RD3: variants seen among roughly 807,000 people sequenced by gnomAD.
RD3 encodes the protein RD3 regulator of GUCY2D.
In RD3, 11 loss-of-function variants were observed where a neutral mutation model predicts 16.9. The observed-to-expected ratio is 0.65, with a 90% confidence interval of 0.41 to 1.08. The LOEUF is 1.08. Among genes scored for constraint, RD3 ranks in the 50% least tolerant of loss-of-function variants. RD3 has a pLI of 0.00. For missense variants in RD3, 274 were observed against 267.4 expected (o/e 1.02, Z -0.17); for synonymous variants, 116 against 114.8 (o/e 1.01, Z -0.07).
Position 211,481,418 on chromosome 1 carries a change from C to A in RD3, c.-3G>T. 5 of 1,612,272 alleles carry A rather than the reference C, an allele frequency of 3.1e-6. No individual in the cohort carries two copies. Among genetic ancestry groups the A allele is most frequent in the Non-Finnish European group, 4.2e-6 (5 of 1,179,986 alleles). On this transcript the variant is annotated 5_prime_UTR_variant, in exon 2 of 3. Transcript: ENST00000680073. ...CGAAGCCATGAGATGAGAGACATAG[C>A]CCCTGGCCCTGCTGAGACAGGACAG...
intron 1 of RD3, among the ~76,000 whole-genome samples, chr1:211,487,995 G>A (rs1705410440): frequency 6.6e-6 from 1 of 152,238 alleles, no homozygotes; most frequent in African/African-American, 2.4e-5. Context: ...GGCTGTGTAA[G>A]CAGTGCAGGG....
intron 2 of RD3, among the ~76,000 whole-genome samples, chr1:211,479,531 C>T (rs914074561): frequency 3.3e-5 from 5 of 152,240 alleles, no homozygotes; most frequent in Non-Finnish European, 4.4e-5. Context: ...CCACTTCTGG[C>T]CTCAGTTGGC....
Position 211,477,141 on chromosome 1 carries a change from A to G in RD3, c.*1895T>C, listed in dbSNP as rs1437831247. The G allele has an allele frequency of 6.6e-6, 1 of 152,114 alleles. No individual in the cohort carries two copies. Among genetic ancestry groups the G allele is most frequent in the Non-Finnish European group, 1.5e-5 (1 of 68,036 alleles). 9.4% of individuals were successfully genotyped at this position (152,114 alleles called of 1,614,324 possible). A position where few individuals can be genotyped will look rare whatever the true frequency, so the allele number is the denominator to read the frequency against. ...CCAGACAAAACATATAGGTCACAAAAAAGCACAGCTTGGACCCACATCAAA... is the reference window on the plus strand; with the variant it reads ...CCAGACAAAACATATAGGTCACAAAGAAGCACAGCTTGGACCCACATCAAA... On this transcript the variant is annotated 3_prime_UTR_variant, in exon 3 of 3. Coordinates refer to ENST00000680073, the MANE Select transcript of RD3 (RefSeq NM_001164688.2).
intron 1 of RD3, among the ~76,000 whole-genome samples, chr1:211,490,163 G>A (rs1705457135): frequency 6.6e-6 from 1 of 152,232 alleles, no homozygotes; most frequent in South Asian, 2.1e-4. Context: ...GCACTCAGAG[G>A]GGGACCAGGG....
At chr1:211,487,899 AAG>A (rs1297103694) in intron 1 of RD3, among the ~76,000 whole-genome samples, 2 of 152,292 alleles carry the variant, frequency 1.3e-5, no homozygotes, top group South Asian at 2.1e-4. Context: ...GTGTACACTC[AAG>A]AGAGGGGGGA....
At position 211,477,899 on chromosome 1, in the gene RD3, C is replaced by G; in HGVS notation, c.*1137G>C. 1 of 389,504 alleles carries G rather than the reference C, an allele frequency of 2.6e-6. No individual in the cohort carries two copies. Among genetic ancestry groups the G allele is most frequent in the Non-Finnish European group, 4.5e-6 (1 of 221,054 alleles). 24.1% of individuals were successfully genotyped at this position (389,504 alleles called of 1,614,324 possible). A position where few individuals can be genotyped will look rare whatever the true frequency, so the allele number is the denominator to read the frequency against. ...GTGTGTGGGAAGGCCTCCTGGCCTT[C>G]CAGATTTTCCATGGGTGATCCACAC... is the stretch of plus-strand genomic sequence containing the variant. On this transcript the variant is annotated 3_prime_UTR_variant, in exon 3 of 3. Coordinates refer to ENST00000680073, the MANE Select transcript of RD3 (RefSeq NM_001164688.2).
At chr1:211,485,950 G>A (rs1253839985) in intron 1 of RD3, among the ~76,000 whole-genome samples, 1 of 151,880 alleles carries the variant, frequency 6.6e-6, no homozygotes, top group African/African-American at 2.4e-5. Context: ...GACCAGCCTG[G>A]GCAACATGGT....
intron 1 of RD3, among the ~76,000 whole-genome samples, chr1:211,486,561 C>A (rs1322161040): frequency 6.7e-6 from 1 of 149,624 alleles, no homozygotes; most frequent in African/African-American, 2.5e-5. Flanking sequence ...AGAAAATAAT[C>A]CATGGGGCTG....
At chr1:211,483,274 C>T (rs1705312119) in intron 1 of RD3, among the ~76,000 whole-genome samples, 1 of 150,486 alleles carries the variant, frequency 6.6e-6, no homozygotes, top group Non-Finnish European at 1.5e-5. Flanking sequence ...CCATCCTGGC[C>T]AACATGGTGA....
In RD3 at chr1:211,478,034, C is replaced by T. The variant is rs186740910; in HGVS notation, c.*1002G>A. On this transcript the variant is annotated 3_prime_UTR_variant, in exon 3 of 3. Transcript: ENST00000680073. ...ACATTTCACTCAGCTGCCTCAAGGTCAGTCAGGGGTTTGGGCATCACTTTC... is the reference window on the plus strand; with the variant it reads ...ACATTTCACTCAGCTGCCTCAAGGTTAGTCAGGGGTTTGGGCATCACTTTC... The T allele has an allele frequency of 3.0e-5, 12 of 398,618 alleles. No individual in the cohort carries two copies. Among genetic ancestry groups the T allele is most frequent in the African/African-American group, 4.1e-5 (2 of 48,752 alleles). The allele number at this position is 398,618 out of a possible 1,614,324, so 24.7% of individuals were successfully genotyped here.
chr1:211,478,961 G>T lies in RD3; in HGVS notation c.*75C>A. The stretch of plus-strand genomic sequence containing the variant: ...TCAGGCCTAGGTGGGGAGGTTCCAG[G>T]GCCCGGCGCTCCGGTCACCGGCCTA... On this transcript the variant is annotated 3_prime_UTR_variant, in exon 3 of 3. Transcript: ENST00000680073. 1 of 1,407,994 alleles carries T rather than the reference G, an allele frequency of 7.1e-7. No homozygotes were observed. The highest frequency in any genetic ancestry group is 9.4e-7 in the Non-Finnish European group (1 of 1,061,290). The allele number at this position is 1,407,994 out of a possible 1,614,324, so 87.2% of individuals were successfully genotyped here.
At chr1:211,481,729 C>G (rs1404063105) in intron 1 of RD3, among the ~76,000 whole-genome samples, 1 of 152,154 alleles carries the variant, frequency 6.6e-6, no homozygotes, top group Non-Finnish European at 1.5e-5. Context: ...GGATTGTGCC[C>G]AGAGAAAGGG....
Position 211,481,383 on chromosome 1 carries a change from C to T in RD3, c.33G>A (p.Glu11=), listed in dbSNP as rs776478767. Residue 11 remains glutamate, a synonymous_variant, in exon 2 of 3, where the codon GAG becomes GAA. Transcript: ENST00000680073. ...TCCTGGTGGACAGCCGGGATGGGGC[C>T]TCGTTCCACCGAAGCCATGAGATGA... MSLISWLRWN[E]APSRLSTRSP... The T allele has an allele frequency of 1.9e-6, 3 of 1,613,442 alleles. No homozygotes were observed. The highest frequency in any genetic ancestry group is 2.2e-5 in the South Asian group (2 of 91,054).
At chr1:211,487,469 C>T (rs558482872) in intron 1 of RD3, among the ~76,000 whole-genome samples, 1 of 152,292 alleles carries the variant, frequency 6.6e-6, no homozygotes, top group South Asian at 2.1e-4. Context: ...AGGGCCAAGC[C>T]CTTGGCCCCT....
rs190235544 is a variant in RD3, at chr1:211,476,789, T to A, written c.*2247A>T. On this transcript the variant is annotated 3_prime_UTR_variant, in exon 3 of 3. Transcript: ENST00000680073. Reference sequence around the variant, plus strand: ...AAGAAAGAACACCACATTGAAAGCCTAAGGTCTTCCTTCTCTTTGGGGAGA... The same window carrying A: ...AAGAAAGAACACCACATTGAAAGCCAAAGGTCTTCCTTCTCTTTGGGGAGA... 367 of 152,300 alleles carry A rather than the reference T, an allele frequency of 2.4e-3. 1 individual carries two copies. The highest frequency in any genetic ancestry group is 8.4e-3 in the African/African-American group (348 of 41,552). 9.4% of individuals were successfully genotyped at this position (152,300 alleles called of 1,614,324 possible).
At chr1:211,489,776 G>A (rs1705449564) in intron 1 of RD3, among the ~76,000 whole-genome samples, 1 of 152,084 alleles carries the variant, frequency 6.6e-6, no homozygotes, top group Admixed American at 6.5e-5. Context: ...CCCAGCCCTG[G>A]CTTCTGGTCA....
Position 211,484,996 on chromosome 1 carries a change from C to T in RD3, c.-11-3570G>A, listed in dbSNP as rs112341391. 8.1e-3 allele frequency among the ~76,000 whole-genome samples: 1,237 copies of T among 152,326 alleles called. 23 individuals are homozygous for T. The highest frequency in any genetic ancestry group is 0.028 in the African/African-American group (1,169 of 41,580). ...TTCTGATTTCAGTCCCTAAGCCTGA[C>T]CTCGAAGGGAAGTGCCCACAGGGTG... On this transcript the variant is annotated intron_variant, in intron 1 of 2. Coordinates refer to ENST00000680073, the MANE Select transcript of RD3 (RefSeq NM_001164688.2).
At chr1:211,482,844 C>T (rs142661009) in intron 1 of RD3, among the ~76,000 whole-genome samples, 41 of 151,902 alleles carry the variant, frequency 2.7e-4, no homozygotes, top group Non-Finnish European at 5.4e-4. Context: ...CCCTCCAAGC[C>T]GTTCCCCCTT....
chr1:211,478,712 TAGAC>T lies in RD3; in HGVS notation c.*320_*323del, dbSNP rs1190270247. The T allele has an allele frequency of 8.5e-6, 3 of 352,450 alleles. No homozygotes were observed. Among genetic ancestry groups the T allele is most frequent in the African/African-American group, 2.1e-5 (1 of 47,770 alleles). The allele number at this position is 352,450 out of a possible 1,614,324, so 21.8% of individuals were successfully genotyped here. ...AAAAGGCAGGGCAACTGTCCCCTTTTAGACAGAACCAGGAGATGAGGATGGGGCA... is the reference window on the plus strand; with the variant it reads ...AAAAGGCAGGGCAACTGTCCCCTTTTAGAACCAGGAGATGAGGATGGGGCA... On this transcript the variant is annotated 3_prime_UTR_variant, in exon 3 of 3. Transcript: ENST00000680073.
Sources: gnomAD v4.1 joint callset for allele counts (sites outside exome capture counted in the v4.1 genomes callset) on GRCh38, gnomAD v4.1.1 for gene constraint, MANE v1.5 for transcripts, NCBI Gene and HGNC (gene_info 2026-07-23, HGNC 2026-07-21) for gene names.